Variants in FXR1 observed in about 807,000 individuals in gnomAD.
FXR1 encodes RNA-binding protein FXR1.
In FXR1, 15 loss-of-function variants were observed where a neutral mutation model predicts 84.0. That is an observed-to-expected ratio of 0.18 (90% CI 0.12 to 0.27). The LOEUF is 0.27. Among genes scored for constraint, FXR1 ranks in the 10% least tolerant of loss-of-function variants. The pLI is 1.00. For missense variants in FXR1, 480 were observed against 774.4 expected, an observed-to-expected ratio of 0.62 and a Z score of 4.51; for synonymous variants, 245 against 250.7, an observed-to-expected ratio of 0.98 and a Z score of 0.21.
chr3:180,943,253 C>T (rs1008657300), intron 3 of FXR1, among the ~76,000 whole-genome samples: 5 of 135,410 alleles, frequency 3.7e-5, no homozygotes, highest in Non-Finnish European at 6.2e-5. Context: ...AGGTGTGAGC[C>T]ACTGTGCCCG....
intron 1 of FXR1, chr3:180,914,663 T>C: frequency 1.8e-6 from 1 of 557,244 alleles, no homozygotes; most frequent in Non-Finnish European, 2.3e-6. Flanking sequence ...CAATTCACAA[T>C]GAATCAAATG....
intron 14 of FXR1, among the ~76,000 whole-genome samples, chr3:180,969,637 A>T (rs2108492549): frequency 6.6e-6 from 1 of 152,294 alleles, no homozygotes; most frequent in East Asian, 1.9e-4. Flanking sequence ...GCTTCAGTTC[A>T]GTTACGGATT....
At chr3:180,938,814 C>G (rs1720815194) in intron 3 of FXR1, among the ~76,000 whole-genome samples, 1 of 152,126 alleles carries the variant, frequency 6.6e-6, no homozygotes, top group Non-Finnish European at 1.5e-5. Context: ...TCCCAAAGTT[C>G]TGGGATTACA....
intron 11 of FXR1, among the ~76,000 whole-genome samples, chr3:180,962,434 T>C (rs1013929027): frequency 3.3e-5 from 5 of 152,240 alleles, no homozygotes; most frequent in Admixed American, 1.3e-4. Flanking sequence ...TGACAAAGTC[T>C]AGCACTCCTT....
intron 1 of FXR1, among the ~76,000 whole-genome samples, chr3:180,921,799 TA>T (rs1718627897): frequency 6.6e-6 from 1 of 151,568 alleles, no homozygotes; most frequent in Non-Finnish European, 1.5e-5. Flanking sequence ...TACACACACG[TA>T]AGTATGATAT....
intron 13 of FXR1, among the ~76,000 whole-genome samples, chr3:180,965,094 G>A (rs960552580): frequency 2.6e-5 from 4 of 151,716 alleles, no homozygotes; most frequent in East Asian, 1.9e-4. Context: ...TCGGCTCACC[G>A]CAACCTCTCC....
At position 180,964,673 on chromosome 3, in the gene FXR1, T is replaced by TTATATATATA. The variant is rs10600370; in HGVS notation, c.1198+1602_1198+1611dup. Reference sequence around the variant, plus strand: ...TATATCAGAGGGACTTGTAGTTGATTTATATATATATATATATATATATAT... The same window carrying TTATATATATA: ...TATATCAGAGGGACTTGTAGTTGATTTATATATATATATATATATATATATATATATATAT... On this transcript the variant is annotated intron_variant, in intron 13 of 16. Transcript: ENST00000357559. 3.0e-3 allele frequency among the ~76,000 whole-genome samples: 405 copies of TTATATATATA among 136,310 alleles called. 1 individual carries two copies. The highest frequency in any genetic ancestry group is 0.01 in the African/African-American group (357 of 34,544). The allele number at this position is 136,310 out of a possible 152,430, so 89.4% of individuals were successfully genotyped here.
intron 8 of FXR1, among the ~76,000 whole-genome samples, chr3:180,951,845 A>G (rs1722259308): frequency 6.6e-6 from 1 of 152,174 alleles, no homozygotes; most frequent in South Asian, 2.1e-4. Flanking sequence ...TTGAGTTTGT[A>G]TAATACTTCG....
At position 180,913,992 on chromosome 3, in the gene FXR1, G is replaced by A. The variant is rs1717569818; in HGVS notation, c.51+1256G>A. ...TTTTCTTAGTTTACTGATTAGCTCT[G>A]TGGATTTGGTTTAACTGTCACGTGG... On this transcript the variant is annotated intron_variant, in intron 1 of 16. Coordinates refer to ENST00000357559, the MANE Select transcript of FXR1 (RefSeq NM_005087.4). 2.0e-5 allele frequency among the ~76,000 whole-genome samples: 3 copies of A among 152,268 alleles called. No individual in the cohort carries two copies. In the East Asian group the frequency reaches 5.8e-4, roughly 29 times the overall value.
chr3:180,954,597 CTA>C (rs1410185762), intron 9 of FXR1, among the ~76,000 whole-genome samples: 6 of 152,210 alleles, frequency 3.9e-5, no homozygotes. Context: ...TATGCAGTGA[CTA>C]TACTAAAAAT....
chr3:180,942,128 C>T (rs543933348), intron 3 of FXR1, among the ~76,000 whole-genome samples: 1 of 152,134 alleles, frequency 6.6e-6, no homozygotes, highest in South Asian at 2.1e-4. Context: ...CCTGTAATCC[C>T]AGCACTTTGG....
At chr3:180,970,060 C>T (rs1317006562) in intron 14 of FXR1, 98 bp from the exon 15 acceptor site, 7 of 575,826 alleles carry the variant, frequency 1.2e-5, no homozygotes, top group Non-Finnish European at 2.0e-5. Flanking sequence ...TTGGGGGAGA[C>T]TGAAGTTTAT....
At chr3:180,921,195 C>T (rs1718546720) in intron 1 of FXR1, among the ~76,000 whole-genome samples, 1 of 151,718 alleles carries the variant, frequency 6.6e-6, no homozygotes, top group Admixed American at 6.6e-5. Context: ...CATGGTGAAA[C>T]CATCTCCACT....
intron 5 of FXR1, 82 bp downstream of exon 5, chr3:180,948,577 A>T: frequency 9.2e-7 from 1 of 1,092,128 alleles, no homozygotes; most frequent in East Asian, 2.4e-5. Flanking sequence ...CCTAATGCCC[A>T]ATCAAACCTT....
intron 3 of FXR1, among the ~76,000 whole-genome samples, chr3:180,943,155 C>T (rs1039634777): frequency 2.6e-5 from 4 of 151,038 alleles, no homozygotes; most frequent in Non-Finnish European, 4.4e-5. Flanking sequence ...TTAGTAGAGA[C>T]GGGGTTTCAC....
chr3:180,916,471 G>A (rs984357015), intron 1 of FXR1, among the ~76,000 whole-genome samples: 12 of 152,142 alleles, frequency 7.9e-5, no homozygotes, highest in Non-Finnish European at 1.3e-4. Context: ...GCAGTGGTGC[G>A]ATCTCGGCTC....
chr3:180,918,528 T>C (rs1273521023), intron 1 of FXR1, among the ~76,000 whole-genome samples: 1 of 152,214 alleles, frequency 6.6e-6, no homozygotes, highest in East Asian at 1.9e-4. Context: ...GGATTATCAC[T>C]CTGGATAAGT....
intron 1 of FXR1, among the ~76,000 whole-genome samples, chr3:180,918,713 C>T (rs1169100761): frequency 6.6e-6 from 1 of 152,110 alleles, no homozygotes; most frequent in African/African-American, 2.4e-5. Flanking sequence ...TTTCCTTTAA[C>T]CTATTTATAA....
At chr3:180,973,826 C>G (rs1713886285) in intron 15 of FXR1, among the ~76,000 whole-genome samples, 1 of 152,068 alleles carries the variant, frequency 6.6e-6, no homozygotes, top group East Asian at 1.9e-4. Context: ...GTTCTTGGAT[C>G]TTATGAAAGT....
Sources: gnomAD v4.1 joint callset for allele counts (sites outside exome capture counted in the v4.1 genomes callset) on GRCh38, gnomAD v4.1.1 for gene constraint, MANE v1.5 for transcripts, NCBI Gene and HGNC (gene_info 2026-07-23, HGNC 2026-07-21) for gene names.